The following PRSS55 variants were observed in gnomAD, a reference collection of about 807,000 sequenced individuals.
PRSS55 encodes the protein probable serine protease UNQ9391/PRO34284.
PRSS55 carries 41 observed loss-of-function variants against 23.6 expected under a neutral mutation model. That is an observed-to-expected ratio of 1.74 (90% CI 1.35 to 2.26). The LOEUF is 2.26. Ranked by LOEUF, PRSS55 falls within the 30% of genes most tolerant of loss-of-function variation. The pLI is 0.00. For synonymous variants in PRSS55, 262 were observed against 175.5 expected (o/e 1.49, Z -3.90); for missense variants, 669 against 439.1 (o/e 1.52, Z -4.68).
intron 4 of PRSS55, among the ~76,000 whole-genome samples, chr8:10,550,575 G>C (rs1380303136): frequency 2.0e-5 from 3 of 152,144 alleles, no homozygotes; most frequent in Admixed American, 1.3e-4. Flanking sequence ...GAGAAAATTG[G>C]AGCACAGGGA....
At position 10,529,766 on chromosome 8, in the gene PRSS55, C is replaced by A; in HGVS notation, c.347+67C>A. On this transcript the variant is annotated intron_variant, in intron 2 of 4. Coordinates refer to ENST00000328655, the MANE Select transcript of PRSS55 (RefSeq NM_198464.4). ...CACCCCTGGGGCACCCTCCCCCTCA[C>A]CCACACCTGGTGGCTGAGAGGAACC... 2.0e-6 allele frequency: 3 copies of A among 1,483,080 alleles called. No homozygotes were observed. In the East Asian group the frequency reaches 6.8e-5, roughly 34 times the overall value. 91.9% of individuals were successfully genotyped at this position (1,483,080 alleles called of 1,614,324 possible). A position where few individuals can be genotyped will look rare whatever the true frequency, so the allele number is the denominator to read the frequency against.
At chr8:10,539,836 G>A (rs531561033), downstream of PRSS55, among the ~76,000 whole-genome samples, 9 of 152,308 alleles carry the variant, frequency 5.9e-5, no homozygotes, top group South Asian at 1.7e-3. Flanking sequence ...TCTCAGGTAC[G>A]TCTTTATCAG....
At chr8:10,529,795 G>A (rs1286000959) in intron 2 of PRSS55, 96 bp downstream of exon 2, 16 of 1,212,608 alleles carry the variant, frequency 1.3e-5, no homozygotes, top group South Asian at 1.1e-4. Context: ...AGGAACCTGC[G>A]ACTGCTCGGT....
At chr8:10,542,913 G>A (rs1322590296), downstream of PRSS55, among the ~76,000 whole-genome samples, 2 of 150,042 alleles carry the variant, frequency 1.3e-5, no homozygotes, top group Non-Finnish European at 3.0e-5. Context: ...CCTCTTGGAG[G>A]GATATGAAAT....
Position 10,531,277 on chromosome 8 carries a change from C to G in PRSS55, c.348-18C>G. 1 of 1,612,404 alleles carries G rather than the reference C, an allele frequency of 6.2e-7. No individual in the cohort carries two copies. The highest frequency in any genetic ancestry group is 8.5e-7 in the Non-Finnish European group (1 of 1,178,682). ...CCCTTCCCCTTCCACTTGCCCCTCT[C>G]TGGTTCTCTGCCACCAGTCCAGAAG... On this transcript the variant is annotated intron_variant, in intron 2 of 4. Coordinates refer to ENST00000328655, the MANE Select transcript of PRSS55 (RefSeq NM_198464.4).
At chr8:10,542,421 A>G (rs146281448), downstream of PRSS55, among the ~76,000 whole-genome samples, 73 of 67,778 alleles carry the variant, frequency 1.1e-3, no homozygotes, top group African/African-American at 2.4e-3. Flanking sequence ...ATGCGGGGGA[A>G]AAAAAAAAAA....
At chr8:10,531,720 AC>A in intron 3 of PRSS55, 175 bp downstream of exon 3, 1 of 803,634 alleles carries the variant, frequency 1.2e-6, no homozygotes, top group Non-Finnish European at 1.9e-6. Flanking sequence ...AAGGTGAGAC[AC>A]CAGGTCTGAG....
downstream of PRSS55, among the ~76,000 whole-genome samples, chr8:10,539,405 C>T (rs1812579043): frequency 6.6e-6 from 1 of 152,228 alleles, no homozygotes; most frequent in Non-Finnish European, 1.5e-5. Context: ...TGGTGTTTTA[C>T]ATTACTCCTG....
intron 4 of PRSS55, among the ~76,000 whole-genome samples, chr8:10,534,719 A>C (rs1812395185): frequency 6.6e-6 from 1 of 152,228 alleles, no homozygotes; most frequent in African/African-American, 2.4e-5. Flanking sequence ...TAGCCAGAGC[A>C]ATCAGGCAAG....
Position 10,538,492 on chromosome 8 carries a change from C to A in PRSS55, c.758C>A (p.Pro253His), listed in dbSNP as rs141414987. ...YDACKGDSGG[P>H]LVCTPEPGEK... Reference sequence around the variant, plus strand: ...TGCCCACAGGGTGACAGTGGGGGGCCTCTGGTCTGCACCCCAGAGCCTGGT... The same window carrying A: ...TGCCCACAGGGTGACAGTGGGGGGCATCTGGTCTGCACCCCAGAGCCTGGT... The change falls in exon 5 of 5, where the codon CCT becomes CAT. Residue 253 changes from proline to histidine, a missense_variant. Physicochemically the swap from Pro to His is moderately conservative, Grantham distance 77. Coordinates refer to ENST00000328655, the MANE Select transcript of PRSS55 (RefSeq NM_198464.4). 1.2e-4 allele frequency: 192 copies of A among 1,613,240 alleles called. No individual in the cohort carries two copies. In the East Asian group the frequency reaches 3.9e-3, roughly 33 times the overall value.
intron 2 of PRSS55, among the ~76,000 whole-genome samples, chr8:10,530,129 C>T (rs765064159): frequency 1.3e-5 from 2 of 152,364 alleles, no homozygotes; most frequent in Middle Eastern, 3.4e-3. Context: ...GGATGGATGC[C>T]TGGCATTACC....
At chr8:10,530,963 C>G (rs755899718) in intron 2 of PRSS55, among the ~76,000 whole-genome samples, 2 of 152,128 alleles carry the variant, frequency 1.3e-5, no homozygotes, top group Non-Finnish European at 2.9e-5. Context: ...CAGTTTGATC[C>G]GTGCCAAGTG....
intron 4 of PRSS55, among the ~76,000 whole-genome samples, chr8:10,549,590 T>A (rs150420449): frequency 5.3e-5 from 8 of 152,228 alleles, no homozygotes; most frequent in Non-Finnish European, 1.0e-4. Flanking sequence ...AAGACCCTGG[T>A]TCTAAGATGC....
chr8:10,536,108 C>T (rs1812443882), intron 4 of PRSS55, among the ~76,000 whole-genome samples: 1 of 152,152 alleles, frequency 6.6e-6, no homozygotes, highest in African/African-American at 2.4e-5. Flanking sequence ...ACGGCGTGAA[C>T]CCAGGAGGCG....
Position 10,538,534 on chromosome 8 carries a change from T to C in PRSS55, c.800T>C (p.Val267Ala). ...TPEPGEKWYQ[V>A]GIISWGKSCG... is the part of the protein sequence containing the mutation. ...GAGCCTGGTGAGAAGTGGTACCAGG[T>C]GGGCATCATAAGCTGGGGAAAGAGC... Residue 267 changes from valine (V) to alanine (A), a missense_variant, in exon 5 of 5, where the codon GTG (valine) becomes GCG (alanine). By Grantham distance (64) the Val-to-Ala change is moderately conservative. Coordinates refer to ENST00000328655, the MANE Select transcript of PRSS55 (RefSeq NM_198464.4). The C allele has an allele frequency of 6.2e-7, 1 of 1,614,108 alleles. No homozygotes were observed. Among genetic ancestry groups the C allele is most frequent in the East Asian group, 2.2e-5 (1 of 44,882 alleles).
intron 4 of PRSS55, among the ~76,000 whole-genome samples, chr8:10,537,489 G>A (rs578016540): frequency 1.3e-5 from 2 of 152,164 alleles, no homozygotes; most frequent in African/African-American, 4.8e-5. Flanking sequence ...TCCAGTTAAG[G>A]AGCACGAAAA....
chr8:10,553,194 C>T (rs935546192), intron 4 of PRSS55, among the ~76,000 whole-genome samples: 4 of 152,224 alleles, frequency 2.6e-5, no homozygotes, highest in Admixed American at 6.5e-5. Flanking sequence ...TCCCCCTTTG[C>T]TGGCTCTCTC....
downstream of PRSS55, among the ~76,000 whole-genome samples, chr8:10,539,430 C>A (rs1258709617): frequency 6.6e-6 from 1 of 152,244 alleles, no homozygotes; most frequent in Non-Finnish European, 1.5e-5. Flanking sequence ...TAAAAACGAA[C>A]GATGTGCTTA....
intron 4 of PRSS55, among the ~76,000 whole-genome samples, chr8:10,545,792 C>A (rs1364258332): frequency 6.6e-6 from 1 of 152,240 alleles, no homozygotes. Context: ...CGTCCTAGCC[C>A]AGAATAGCTT....
Sources: allele counts gnomAD v4.1 joint callset (sites outside exome capture counted in the v4.1 genomes callset), GRCh38; gene constraint gnomAD v4.1.1; transcripts MANE v1.5; gene names NCBI Gene and HGNC (gene_info 2026-07-23, HGNC 2026-07-21).